The following BICC1 variants were observed in gnomAD, a reference collection of about 807,000 sequenced individuals.
BICC1 encodes the protein protein bicaudal C homolog 1.
Under a neutral mutation model 111.0 loss-of-function variants are expected in BICC1, and 43 were observed. The observed-to-expected ratio is 0.39, with a 90% CI of 0.30 to 0.50. BICC1 has a LOEUF of 0.50. Among genes scored for constraint, BICC1 ranks in the 20% least tolerant of loss-of-function variants. The pLI, the probability that BICC1 is intolerant of heterozygous loss-of-function variation, is 0.88. For synonymous variants in BICC1, 467 were observed against 434.4 expected, an observed-to-expected ratio of 1.07 and a Z score of -0.93; for missense variants, 1,091 against 1,203.2, an observed-to-expected ratio of 0.91 and a Z score of 1.38.
chr10:58,673,586 C>T (rs1691296138), intron 2 of BICC1, among the ~76,000 whole-genome samples: 1 of 152,240 alleles, frequency 6.6e-6, no homozygotes, highest in East Asian at 1.9e-4. Context: ...GTAGCACCAT[C>T]TACTCACTTT....
At chr10:58,638,397 G>A (rs1313672950) in intron 2 of BICC1, among the ~76,000 whole-genome samples, 1 of 152,258 alleles carries the variant, frequency 6.6e-6, no homozygotes, top group African/African-American at 2.4e-5. Context: ...TTTTCAAAAT[G>A]TGGTTCTGAA....
chr10:58,616,437 T>A (rs1298214273), intron 1 of BICC1, among the ~76,000 whole-genome samples: 1 of 152,190 alleles, frequency 6.6e-6, no homozygotes, highest in Non-Finnish European at 1.5e-5. Flanking sequence ...CTGCACAACC[T>A]GGTCCCACCT....
chr10:58,818,425 A>G lies in BICC1; in HGVS notation c.2694+703A>G, dbSNP rs184681018. Among the ~76,000 whole-genome samples, 248 of 152,228 alleles carry G rather than the reference A, an allele frequency of 1.6e-3. 2 individuals carry two copies. Among genetic ancestry groups the G allele is most frequent in the African/African-American group, 5.8e-3 (243 of 41,558 alleles). On this transcript the variant is annotated intron_variant, in intron 19 of 20. Coordinates refer to ENST00000373886, the MANE Select transcript of BICC1 (RefSeq NM_001080512.3). ...TCAGAAAATTAAAATGTTTCTATACATTTGTGTCTTTTTCAAATCAAGACA... is the reference window on the plus strand; with the variant it reads ...TCAGAAAATTAAAATGTTTCTATACGTTTGTGTCTTTTTCAAATCAAGACA...
At chr10:58,515,042 T>G (rs1842205355) in intron 1 of BICC1, among the ~76,000 whole-genome samples, 1 of 152,220 alleles carries the variant, frequency 6.6e-6, no homozygotes. Context: ...GAAGTTCAAG[T>G]GTATAACCTG....
intron 2 of BICC1, among the ~76,000 whole-genome samples, chr10:58,646,994 A>G (rs1478221767): frequency 6.6e-6 from 1 of 152,196 alleles, no homozygotes; most frequent in Non-Finnish European, 1.5e-5. Flanking sequence ...AAAAATCCAC[A>G]GCAGGAAGTA....
At chr10:58,781,555 G>A (rs1032149368) in intron 3 of BICC1, among the ~76,000 whole-genome samples, 6 of 152,018 alleles carry the variant, frequency 3.9e-5, no homozygotes, top group African/African-American at 1.2e-4. Flanking sequence ...GAAGCTCTAC[G>A]CTTATTTCCT....
intron 2 of BICC1, among the ~76,000 whole-genome samples, chr10:58,672,665 G>A (rs1839219090): frequency 6.6e-6 from 1 of 152,160 alleles, no homozygotes; most frequent in South Asian, 2.1e-4. Flanking sequence ...CAGGGACCAA[G>A]GCTGTCTTGG....
At chr10:58,803,699 G>A (rs983793043) in intron 15 of BICC1, among the ~76,000 whole-genome samples, 2 of 152,210 alleles carry the variant, frequency 1.3e-5, no homozygotes, top group East Asian at 1.9e-4. Context: ...ACTAGATGAT[G>A]AATATTATTG....
At chr10:58,584,592 C>T (rs1260683571) in intron 1 of BICC1, among the ~76,000 whole-genome samples, 2 of 152,074 alleles carry the variant, frequency 1.3e-5, no homozygotes, top group African/African-American at 4.8e-5. Flanking sequence ...TTTCCTTTTC[C>T]TCATTACACA....
chr10:58,593,661 G>T (rs550196331), intron 1 of BICC1, among the ~76,000 whole-genome samples: 2 of 152,290 alleles, frequency 1.3e-5, no homozygotes, highest in East Asian at 3.9e-4. Context: ...CTGACTGTCA[G>T]AAGGAAAACT....
intron 9 of BICC1, among the ~76,000 whole-genome samples, chr10:58,794,495 T>G (rs1351654270): frequency 6.6e-6 from 1 of 151,912 alleles, no homozygotes; most frequent in Non-Finnish European, 1.5e-5. Flanking sequence ...CGTGGCTTAC[T>G]GCAGCCTCGA....
At chr10:58,719,337 G>T (rs1052295644) in intron 3 of BICC1, among the ~76,000 whole-genome samples, 1 of 152,074 alleles carries the variant, frequency 6.6e-6, no homozygotes, top group African/African-American at 2.4e-5. Flanking sequence ...GTCTGCTATG[G>T]AAGGGCATCC....
chr10:58,728,327 A>G (rs1011010394), intron 3 of BICC1, among the ~76,000 whole-genome samples: 2 of 152,204 alleles, frequency 1.3e-5, no homozygotes, highest in Non-Finnish European at 1.5e-5. Flanking sequence ...TCTTTGTAGC[A>G]TCTTCATCAG....
intron 3 of BICC1, among the ~76,000 whole-genome samples, chr10:58,776,298 G>C (rs372767836): frequency 2.6e-5 from 4 of 152,154 alleles, no homozygotes; most frequent in Non-Finnish European, 4.4e-5. Flanking sequence ...GATTTTTCAC[G>C]AAGAGTCCCA....
In BICC1 at chr10:58,799,248, C is replaced by T. The variant is rs1204521693; in HGVS notation, c.1721C>T (p.Ala574Val). The T allele has an allele frequency of 6.3e-7, 1 of 1,594,342 alleles. No homozygotes were observed. The highest frequency in any genetic ancestry group is 8.6e-7 in the Non-Finnish European group (1 of 1,168,524). Residue 574 changes from alanine to valine, a missense_variant, in exon 12 of 21, where the codon GCA becomes GTA. Coordinates refer to ENST00000373886, the MANE Select transcript of BICC1 (RefSeq NM_001080512.3). ...KKISAALNGHAQSPDIKYGAI... is the reference protein window; with the variant it reads ...KKISAALNGHVQSPDIKYGAI... The stretch of plus-strand genomic sequence containing the variant: ...ATCTCTGCTGCTTTAAATGGACATG[C>T]ACAGGTAATGGCCTTCTGCCAGAAT...
At chr10:58,578,595 G>A (rs1844178471) in intron 1 of BICC1, among the ~76,000 whole-genome samples, 1 of 152,132 alleles carries the variant, frequency 6.6e-6, no homozygotes, top group African/African-American at 2.4e-5. Context: ...ACTCCTGATG[G>A]CCGAAAACCT....
chr10:58,718,109 AGTT>A (rs1406063645), intron 3 of BICC1, among the ~76,000 whole-genome samples: 1 of 152,102 alleles, frequency 6.6e-6, no homozygotes, highest in Non-Finnish European at 1.5e-5. Context: ...TATGTTAGTG[AGTT>A]GTTGTCTTAG....
chr10:58,670,668 T>C (rs747391355), intron 2 of BICC1, among the ~76,000 whole-genome samples: 23 of 152,130 alleles, frequency 1.5e-4, no homozygotes, highest in Non-Finnish European at 2.6e-4. Context: ...AGATATACAT[T>C]TAGATGAGCT....
intron 1 of BICC1, among the ~76,000 whole-genome samples, chr10:58,576,357 A>G (rs1793753538): frequency 1.3e-5 from 2 of 152,236 alleles, no homozygotes; most frequent in Non-Finnish European, 2.9e-5. Context: ...CTGGATTTTT[A>G]TTTCATTCCA....
Sources: allele counts gnomAD v4.1 joint callset (sites outside exome capture counted in the v4.1 genomes callset), GRCh38; gene constraint gnomAD v4.1.1; transcripts MANE v1.5; gene names NCBI Gene and HGNC (gene_info 2026-07-23, HGNC 2026-07-21).